The following OPA1 variants were observed in gnomAD, a reference collection of about 807,000 sequenced individuals.
OPA1 encodes dynamin-like GTPase OPA1, mitochondrial.
Under a neutral mutation model 152.9 loss-of-function variants are expected in OPA1, and 59 were observed. The ratio of observed to expected loss-of-function variants is 0.39; its 90% CI spans 0.31 to 0.48. OPA1 has a LOEUF of 0.48. Ranked by LOEUF, OPA1 falls within the 20% of genes least tolerant of loss-of-function variation. OPA1 has a pLI of 0.96. For missense variants in OPA1, 1,008 were observed against 1,216.8 expected, an observed-to-expected ratio of 0.83 and a Z score of 2.55; for synonymous variants, 400 against 389.9, an observed-to-expected ratio of 1.03 and a Z score of -0.31.
chr3:193,636,809 A>G (rs185005763), intron 9 of OPA1, among the ~76,000 whole-genome samples: 44 of 152,122 alleles, frequency 2.9e-4, no homozygotes, highest in African/African-American at 1.0e-3. Flanking sequence ...GCATGCCTCA[A>G]ACTTAGCAAA....
At chr3:193,623,323 G>GTA (rs1467613457) in intron 6 of OPA1, among the ~76,000 whole-genome samples, 2 of 152,070 alleles carry the variant, frequency 1.3e-5, no homozygotes, top group Non-Finnish European at 2.9e-5. Flanking sequence ...TCAGACCATA[G>GTA]TATAATATTT....
chr3:193,684,135 G>A (rs548104906), intron 29 of OPA1, among the ~76,000 whole-genome samples: 48 of 152,262 alleles, frequency 3.2e-4, no homozygotes, highest in Non-Finnish European at 6.9e-4. Context: ...TGAGTTAGAT[G>A]ATACAATGAA....
intron 29 of OPA1, among the ~76,000 whole-genome samples, chr3:193,671,101 A>C (rs963955605): frequency 6.6e-6 from 1 of 152,226 alleles, no homozygotes; most frequent in Admixed American, 6.5e-5. Context: ...ACCATGATGC[A>C]AAAAGGGATG....
chr3:193,611,489 C>T (rs746292000), intron 1 of OPA1, among the ~76,000 whole-genome samples: 2 of 149,814 alleles, frequency 1.3e-5, no homozygotes, highest in Admixed American at 6.7e-5. Context: ...CGCAGCTACT[C>T]GGGAGGCTGA....
intron 21 of OPA1, among the ~76,000 whole-genome samples, chr3:193,654,265 G>A (rs1214383051): frequency 6.6e-6 from 1 of 152,154 alleles, no homozygotes. Context: ...GGAGGCCAAG[G>A]CAAGAGGATT....
At chr3:193,651,631 C>T (rs1270586272) in intron 21 of OPA1, among the ~76,000 whole-genome samples, 1 of 152,120 alleles carries the variant, frequency 6.6e-6, no homozygotes, top group Non-Finnish European at 1.5e-5. Context: ...CAGATTACTG[C>T]TCTATGGATA....
rs1732086268 is a variant in OPA1, at chr3:193,631,640, T to G, written c.818T>G (p.Leu273Arg). ...KVSDKEKIDQLQEELLHTQLK... is the reference protein window; with the variant it reads ...KVSDKEKIDQRQEELLHTQLK... ...TCAGACAAAGAGAAAATTGACCAAC[T>G]TCAGGAAGAACTTCTGCACACTCAG... Residue 273 changes from leucine (L) to arginine (R), a missense_variant, in exon 8 of 31, where the codon CTT becomes CGT. Transcript: ENST00000361510. The G allele has an allele frequency of 1.2e-6, 2 of 1,612,310 alleles. No individual in the cohort carries two copies. The highest frequency in any genetic ancestry group is 1.7e-6 in the Non-Finnish European group (2 of 1,178,766).
Position 193,648,246 on chromosome 3 carries a change from A to G in OPA1, c.1935+112A>G, listed in dbSNP as rs556878135. 168 of 752,362 alleles carry G rather than the reference A, an allele frequency of 2.2e-4. 3 individuals carry two copies. The South Asian group carries it at 2.3e-3, about 10-fold the overall frequency. 46.6% of individuals were successfully genotyped at this position (752,362 alleles called of 1,614,324 possible). ...AAGCTAAAGTACTTTGGTTTTGACT[A>G]TAACTACTAATTTGTAAGAATACAT... On this transcript the variant is annotated intron_variant, in intron 20 of 30. Coordinates refer to ENST00000361510, the MANE Select transcript of OPA1 (RefSeq NM_130837.3).
intron 29 of OPA1, among the ~76,000 whole-genome samples, chr3:193,679,280 A>G (rs1446842057): frequency 7.0e-6 from 1 of 142,376 alleles, no homozygotes; most frequent in Non-Finnish European, 1.5e-5. Flanking sequence ...GGGAAAAAAA[A>G]GGTTTCAAAA....
At chr3:193,660,168 T>C (rs1231658376) in intron 25 of OPA1, among the ~76,000 whole-genome samples, 1 of 152,146 alleles carries the variant, frequency 6.6e-6, no homozygotes, top group Non-Finnish European at 1.5e-5. Context: ...CGGGAAAAGA[T>C]ACAATTTTTC....
At chr3:193,642,064 C>T (rs1008956500) in intron 11 of OPA1, among the ~76,000 whole-genome samples, 5 of 152,152 alleles carry the variant, frequency 3.3e-5, no homozygotes, top group African/African-American at 1.2e-4. Flanking sequence ...TGCAGTGAGC[C>T]GAGATCATGC....
chr3:193,657,110 T>A lies in OPA1; in HGVS notation c.2209T>A (p.Ser737Thr), dbSNP rs917252521. 1.2e-6 allele frequency: 2 copies of A among 1,613,756 alleles called. No individual in the cohort carries two copies. The highest frequency in any genetic ancestry group is 8.5e-7 in the Non-Finnish European group (1 of 1,179,860). ...TTGGGAGACCCTACAAGAAGAATTT[T>A]CCCGCTTTATGACAGAACCGAAAGG... ...VAWETLQEEF[S>T]RFMTEPKGKE... Residue 737 changes from serine (S) to threonine (T), a missense_variant, in exon 23 of 31, where the codon TCC (serine) becomes ACC (threonine). By Grantham distance (58) the Ser-to-Thr change is moderately conservative. This residue lies in a region of OPA1 where 229 missense variants were observed against 269.0 expected (regional missense o/e 0.85). Transcript: ENST00000361510.
chr3:193,626,621 T>C (rs1731200346), intron 7 of OPA1, among the ~76,000 whole-genome samples: 1 of 152,234 alleles, frequency 6.6e-6, no homozygotes, highest in South Asian at 2.1e-4. Context: ...ATTTATTTAT[T>C]TGTTTTAGCT....
At chr3:193,645,402 A>G in intron 16 of OPA1, 151 bp from the exon 17 acceptor site, 2 of 606,822 alleles carry the variant, frequency 3.3e-6, no homozygotes, top group Non-Finnish European at 5.8e-6. Context: ...TTTTTTTCAA[A>G]TAGCAATGGA....
intron 29 of OPA1, chr3:193,668,184 C>G (rs1367126570): frequency 1.1e-5 from 7 of 638,892 alleles, no homozygotes; most frequent in South Asian, 4.0e-5. Flanking sequence ...TAGTGTTCTC[C>G]CTTTCGATAT....
At chr3:193,665,369 CAGAG>C (rs899615321) in intron 27 of OPA1, among the ~76,000 whole-genome samples, 4 of 151,776 alleles carry the variant, frequency 2.6e-5, no homozygotes, top group Non-Finnish European at 5.9e-5. Context: ...GGGAGAGAGA[CAGAG>C]AGGGAAAGAG....
At chr3:193,621,565 A>G (rs986343531) in intron 6 of OPA1, among the ~76,000 whole-genome samples, 2 of 152,244 alleles carry the variant, frequency 1.3e-5, no homozygotes, top group African/African-American at 2.4e-5. Flanking sequence ...TGTGGACACT[A>G]CTGAATTATT....
At chr3:193,620,204 G>A (rs1216567697) in intron 6 of OPA1, among the ~76,000 whole-genome samples, 1 of 152,176 alleles carries the variant, frequency 6.6e-6, no homozygotes, top group Non-Finnish European at 1.5e-5. Flanking sequence ...TTTGTTACAG[G>A]TGTGGTAGTG....
chr3:193,635,658 G>A (rs1164835117), intron 9 of OPA1, 136 bp downstream of exon 9: 7 of 653,940 alleles, frequency 1.1e-5, no homozygotes, highest in African/African-American at 1.8e-5. Flanking sequence ...GAGGATGGAG[G>A]ATCTCTTCCT....
Sources: allele counts gnomAD v4.1 joint callset (sites outside exome capture counted in the v4.1 genomes callset), GRCh38; gene constraint gnomAD v4.1.1; regional missense constraint gnomAD v4.1.1; transcripts MANE v1.5; gene names NCBI Gene and HGNC (gene_info 2026-07-23, HGNC 2026-07-21).